Variants in THRAP3 observed in about 807,000 individuals in gnomAD.
The protein encoded by THRAP3 is thyroid hormone receptor associated protein 3.
Under a neutral mutation model 101.0 loss-of-function variants are expected in THRAP3, and 16 were observed. The observed-to-expected ratio is 0.16, with a 90% CI of 0.11 to 0.24. THRAP3 has a LOEUF of 0.24. Ranked by LOEUF, THRAP3 falls within the 10% of genes least tolerant of loss-of-function variation. THRAP3 has a pLI of 1.00. For synonymous variants in THRAP3, 407 were observed against 422.6 expected, an observed-to-expected ratio of 0.96 and a Z score of 0.45; for missense variants, 989 against 1,202.7, an observed-to-expected ratio of 0.82 and a Z score of 2.63.
At chr1:36,268,756 C>CT (rs1645548138) in intron 2 of THRAP3, among the ~76,000 whole-genome samples, 1 of 150,296 alleles carries the variant, frequency 6.7e-6, no homozygotes, top group Non-Finnish European at 1.5e-5. Flanking sequence ...GAGTCTCGCT[C>CT]TATCTGTCAC....
intron 1 of THRAP3, among the ~76,000 whole-genome samples, chr1:36,235,899 C>T (rs1409333960): frequency 6.6e-6 from 1 of 152,026 alleles, no homozygotes; most frequent in African/African-American, 2.4e-5. Context: ...TGTTTATTGA[C>T]ATAATACAGT....
At chr1:36,236,900 G>T (rs1375203703) in intron 1 of THRAP3, among the ~76,000 whole-genome samples, 3 of 152,106 alleles carry the variant, frequency 2.0e-5, no homozygotes, top group Non-Finnish European at 4.4e-5. Context: ...AACAATGCTG[G>T]GTGTGGTGGC....
intron 2 of THRAP3, among the ~76,000 whole-genome samples, chr1:36,280,837 C>T (rs1645721687): frequency 6.6e-6 from 1 of 150,878 alleles, no homozygotes; most frequent in Non-Finnish European, 1.5e-5. Flanking sequence ...CTTAGAGGCG[C>T]TCTTCTTTCC....
chr1:36,212,094 G>A, the THRAP3 span, among the ~76,000 whole-genome samples: 1 of 152,210 alleles, frequency 6.6e-6, no homozygotes, highest in East Asian at 1.9e-4. Flanking sequence ...CTGGGATTAT[G>A]TGTTTCTCAA....
At chr1:36,243,054 C>T (rs1324133460) in intron 1 of THRAP3, among the ~76,000 whole-genome samples, 1 of 151,724 alleles carries the variant, frequency 6.6e-6, no homozygotes, top group Admixed American at 6.6e-5. Context: ...ACAGTAAGAC[C>T]CCATCTCTAA....
intron 11 of THRAP3, 52 bp downstream of exon 11, chr1:36,301,748 G>A (rs1646033542): frequency 3.2e-6 from 5 of 1,566,370 alleles, no homozygotes; most frequent in Non-Finnish European, 4.3e-6. Flanking sequence ...GACACACAGA[G>A]TAGCTGATAC....
At chr1:36,282,426 C>G (rs1390784959) in intron 2 of THRAP3, 107 bp from the exon 3 acceptor site, 2 of 713,716 alleles carry the variant, frequency 2.8e-6, no homozygotes, top group Non-Finnish European at 4.3e-6. Flanking sequence ...GATATGGGGT[C>G]TTCTCAAGTT....
chr1:36,283,072 AAG>A (rs1229635429), intron 3 of THRAP3, among the ~76,000 whole-genome samples: 3 of 152,238 alleles, frequency 2.0e-5, no homozygotes, highest in Non-Finnish European at 4.4e-5. Flanking sequence ...AAGGATAGCT[AAG>A]AGGATTAATA....
intron 8 of THRAP3, among the ~76,000 whole-genome samples, chr1:36,295,732 C>T (rs1557456702): frequency 6.6e-6 from 1 of 151,636 alleles, no homozygotes; most frequent in Non-Finnish European, 1.5e-5. Flanking sequence ...TATTCCCTTT[C>T]TAGAGAAATT....
At chr1:36,215,290 T>A in the THRAP3 span, among the ~76,000 whole-genome samples, 1 of 152,248 alleles carries the variant, frequency 6.6e-6, no homozygotes, top group East Asian at 1.9e-4. Flanking sequence ...TCCAATCTCC[T>A]CAATCTGGAC....
At chr1:36,252,047 A>G (rs1645307806) in intron 1 of THRAP3, among the ~76,000 whole-genome samples, 1 of 152,242 alleles carries the variant, frequency 6.6e-6, no homozygotes. Context: ...CTGGGCATAA[A>G]TATTAAAAAA....
chr1:36,222,639 C>T (rs1210112305), upstream of THRAP3, among the ~76,000 whole-genome samples: 1 of 152,122 alleles, frequency 6.6e-6, no homozygotes, highest in Non-Finnish European at 1.5e-5. Flanking sequence ...AACTCCTGAC[C>T]TCAGGTGAGC....
At chr1:36,237,190 G>A (rs199769646) in intron 1 of THRAP3, among the ~76,000 whole-genome samples, 4 of 152,098 alleles carry the variant, frequency 2.6e-5, no homozygotes, top group South Asian at 2.1e-4. Context: ...GGTAGGGGCC[G>A]GGCATGGTGG....
chr1:36,281,681 G>A (rs1645733342), intron 2 of THRAP3, among the ~76,000 whole-genome samples: 1 of 151,624 alleles, frequency 6.6e-6, no homozygotes, highest in Non-Finnish European at 1.5e-5. Flanking sequence ...TGCTTAGGCT[G>A]GTCTCAAAAT....
At chr1:36,272,247 AC>A (rs1645601565) in intron 2 of THRAP3, among the ~76,000 whole-genome samples, 1 of 152,138 alleles carries the variant, frequency 6.6e-6, no homozygotes, top group Non-Finnish European at 1.5e-5. Context: ...CATCACCCCC[AC>A]TTTTTAGGAG....
intron 5 of THRAP3, among the ~76,000 whole-genome samples, 172 bp from the exon 6 acceptor site, chr1:36,291,201 AT>A (rs1645863995): frequency 6.6e-6 from 1 of 152,168 alleles, no homozygotes. Context: ...GAAGAGAGAG[AT>A]TTTGTATATA....
At chr1:36,297,694 C>T (rs965092836) in intron 9 of THRAP3, among the ~76,000 whole-genome samples, 4 of 151,582 alleles carry the variant, frequency 2.6e-5, no homozygotes, top group South Asian at 2.1e-4. Flanking sequence ...TCACCCACCT[C>T]GGCCTCCCAA....
At chr1:36,213,977 GAAAGAAAGAAAGAAAGAAAGGAAA>G in the THRAP3 span, among the ~76,000 whole-genome samples, 1 of 88,356 alleles carries the variant, frequency 1.1e-5, no homozygotes, top group African/African-American at 6.1e-5. Flanking sequence ...GAGAAAGAAA[GAAAGAAAGAAAGAAAGAAAGGAAA>G]GAAAGAAAGA....
intron 4 of THRAP3, chr1:36,287,757 A>T: frequency 3.0e-6 from 3 of 985,410 alleles, no homozygotes; most frequent in Non-Finnish European, 3.6e-6. Context: ...GGCATAGTCC[A>T]GGAAGGCCTT....
Sources: allele counts gnomAD v4.1 joint callset (sites outside exome capture counted in the v4.1 genomes callset), GRCh38; gene constraint gnomAD v4.1.1; transcripts MANE v1.5; gene names NCBI Gene and HGNC (gene_info 2026-07-23, HGNC 2026-07-21).